Variants in ABCC9 observed in about 807,000 individuals in gnomAD.
ABCC9 encodes ATP-binding cassette sub-family C member 9.
In ABCC9, 95 loss-of-function variants were observed where a neutral mutation model predicts 188.3. The observed-to-expected ratio is 0.50, with a 90% CI of 0.43 to 0.60. ABCC9 has a LOEUF of 0.60. Ranked by LOEUF, ABCC9 falls within the 20% of genes least tolerant of loss-of-function variation. ABCC9 has a pLI of 0.00. For synonymous variants in ABCC9, 659 were observed against 652.7 expected, an observed-to-expected ratio of 1.01 and a Z score of -0.15; for missense variants, 1,102 against 1,876.3, an observed-to-expected ratio of 0.59 and a Z score of 7.62.
Position 21,800,162 on chromosome 12 carries a change from A to C in ABCC9, c.*882T>G, listed in dbSNP as rs374294612. The C allele has an allele frequency of 2.4e-4, 37 of 152,100 alleles. No homozygotes were observed. In the East Asian group the frequency reaches 6.0e-3, roughly 25 times the overall value. The allele number at this position is 152,100 out of a possible 1,614,324, so 9.4% of individuals were successfully genotyped here. A position where few individuals can be genotyped will look rare whatever the true frequency, so the allele number is the denominator to read the frequency against. On this transcript the variant is annotated 3_prime_UTR_variant, in exon 40 of 40. Transcript: ENST00000261200. The stretch of plus-strand genomic sequence containing the variant: ...TATCTCACACCTGAGAGGAATGTTC[A>C]CCTGCCATTATTAGCAGTGCCAAAT...
At chr12:21,925,823 A>G (rs1033922373) in intron 5 of ABCC9, 119 bp downstream of exon 5, 51 of 1,133,176 alleles carry the variant, frequency 4.5e-5, no homozygotes, top group Middle Eastern at 3.0e-4. Context: ...TGGTTTTCCC[A>G]TACTTTCTAC....
chr12:21,864,361 G>A (rs1426642062), intron 19 of ABCC9, 78 bp downstream of exon 19: 1 of 1,110,286 alleles, frequency 9.0e-7, no homozygotes, highest in Non-Finnish European at 1.4e-6. Context: ...ATCAGAGTAA[G>A]CAAAATGAGA....
intron 5 of ABCC9, chr12:21,925,130 C>T: frequency 5.9e-6 from 1 of 170,728 alleles, no homozygotes; most frequent in Middle Eastern, 2.5e-3. Context: ...ACACATAATT[C>T]GAACTACAAT....
intron 37 of ABCC9, among the ~76,000 whole-genome samples, chr12:21,807,964 T>G (rs1367428239): frequency 6.6e-6 from 1 of 152,140 alleles, no homozygotes; most frequent in Non-Finnish European, 1.5e-5. Context: ...TTTGTCAGAA[T>G]GTCCCTAGTA....
chr12:21,925,898 C>A (rs914074238), intron 5 of ABCC9, 44 bp downstream of exon 5: 11 of 1,585,256 alleles, frequency 6.9e-6, no homozygotes, highest in African/African-American at 1.3e-5. Context: ...GGGGGAAAAA[C>A]AAATATCTCT....
At chr12:21,854,138 G>C (rs1482306892) in intron 22 of ABCC9, among the ~76,000 whole-genome samples, 1 of 152,166 alleles carries the variant, frequency 6.6e-6, no homozygotes, top group Non-Finnish European at 1.5e-5. Context: ...TCTACAGATA[G>C]ATTGCATTGC....
chr12:21,862,662 G>A (rs1945580128), intron 20 of ABCC9, among the ~76,000 whole-genome samples: 1 of 151,978 alleles, frequency 6.6e-6, no homozygotes, highest in African/African-American at 2.4e-5. Context: ...AACAACCTAA[G>A]CAACACATCC....
intron 39 of ABCC9, among the ~76,000 whole-genome samples, chr12:21,802,110 T>C (rs1941476614): frequency 6.6e-6 from 1 of 152,202 alleles, no homozygotes; most frequent in African/African-American, 2.4e-5. Flanking sequence ...GCTTGTGTAT[T>C]TTGGCTTTAC....
At chr12:21,819,379 G>A (rs1942888296) in intron 31 of ABCC9, among the ~76,000 whole-genome samples, 1 of 152,112 alleles carries the variant, frequency 6.6e-6, no homozygotes, top group African/African-American at 2.4e-5. Context: ...TGTTGAACAT[G>A]CTGAAGTCAA....
At chr12:21,915,514 A>T (rs867754166) in intron 7 of ABCC9, among the ~76,000 whole-genome samples, 154 bp downstream of exon 7, 146 of 3,514 alleles carry the variant, frequency 0.042, 35 homozygotes, top group Admixed American at 0.067. Flanking sequence ...ATATATATAT[A>T]TTTTTTTTTT....
chr12:21,924,020 T>A, intron 5 of ABCC9: 1 of 462,396 alleles, frequency 2.2e-6, no homozygotes, highest in South Asian at 4.6e-5. Context: ...CTATACTGTG[T>A]CATTCAATTT....
At chr12:21,823,581 G>A (rs1403563494) in intron 31 of ABCC9, among the ~76,000 whole-genome samples, 1 of 152,186 alleles carries the variant, frequency 6.6e-6, no homozygotes, top group African/African-American at 2.4e-5. Context: ...TGACTCTAAA[G>A]TATTTATTTT....
At chr12:21,882,390 A>T (rs1946669773) in intron 16 of ABCC9, among the ~76,000 whole-genome samples, 1 of 152,226 alleles carries the variant, frequency 6.6e-6, no homozygotes, top group Admixed American at 6.5e-5. Context: ...GTCTCCCCTG[A>T]TTGAAAACAA....
chr12:21,827,336 G>A (rs963614226), intron 31 of ABCC9: 5 of 984,628 alleles, frequency 5.1e-6, no homozygotes, highest in Middle Eastern at 5.2e-4. Context: ...AACAGGAGTC[G>A]GTCAGACTCT....
intron 18 of ABCC9, among the ~76,000 whole-genome samples, chr12:21,871,853 C>G (rs1426749261): frequency 6.6e-6 from 1 of 152,176 alleles, no homozygotes; most frequent in African/African-American, 2.4e-5. Flanking sequence ...CGTTTGAGAA[C>G]CACTGGTCTA....
At chr12:21,846,874 G>A (rs956605255) in intron 25 of ABCC9, among the ~76,000 whole-genome samples, 1 of 151,938 alleles carries the variant, frequency 6.6e-6, no homozygotes, top group Non-Finnish European at 1.5e-5. Context: ...CACATTCCTA[G>A]TACTTAATCT....
At chr12:21,929,079 AT>A (rs1342125449) in intron 4 of ABCC9, among the ~76,000 whole-genome samples, 1 of 152,188 alleles carries the variant, frequency 6.6e-6, no homozygotes, top group Non-Finnish European at 1.5e-5. Flanking sequence ...AATAGTGAAG[AT>A]TTTAATACAC....
At chr12:21,881,242 C>T (rs1471154322) in intron 16 of ABCC9, among the ~76,000 whole-genome samples, 1 of 152,050 alleles carries the variant, frequency 6.6e-6, no homozygotes, top group Non-Finnish European at 1.5e-5. Flanking sequence ...TAAATATGTA[C>T]TTCTCTGCAG....
chr12:21,811,029 A>C (rs1253679959), intron 36 of ABCC9, among the ~76,000 whole-genome samples: 1 of 152,106 alleles, frequency 6.6e-6, no homozygotes, highest in Non-Finnish European at 1.5e-5. Flanking sequence ...TCCCACCCAA[A>C]TCTCATCTCG....
Sources: gnomAD v4.1 joint callset for allele counts (sites outside exome capture counted in the v4.1 genomes callset) on GRCh38, gnomAD v4.1.1 for gene constraint, MANE v1.5 for transcripts, NCBI Gene and HGNC (gene_info 2026-07-23, HGNC 2026-07-21) for gene names.